DIPK2B: variants seen among roughly 807,000 people sequenced by gnomAD.
DIPK2B encodes UPF0672 protein CXorf36.
Under a neutral mutation model 22.2 loss-of-function variants are expected in DIPK2B, and 15 were observed. The ratio of observed to expected loss-of-function variants is 0.68; its 90% CI spans 0.45 to 1.04. The LOEUF is 1.04. Among genes scored for constraint, DIPK2B ranks in the 50% least tolerant of loss-of-function variants. The pLI is 0.00. For missense variants in DIPK2B, 345 were observed against 348.3 expected, an observed-to-expected ratio of 0.99 and a Z score of 0.08; for synonymous variants, 163 against 153.2, an observed-to-expected ratio of 1.06 and a Z score of -0.47.
rs774466538 is a variant in DIPK2B at position 45,185,684 on chromosome X, G to T, written c.498+6067C>A. On this transcript the variant is annotated intron_variant, in intron 2 of 4. Transcript: ENST00000398000. ...TTTTTTTTTTTTGAGATGGAGTCTC[G>T]CTCTGTTGCCCAGGCTGGAGTGCAG... Among the ~76,000 whole-genome samples the T allele has an allele frequency of 2.9e-4, 26 of 89,677 alleles. 1 individual carries two copies. The South Asian group carries it at 4.4e-3, about 15-fold the overall frequency. The allele number at this position is 89,677 out of a possible 115,157, so 77.9% of individuals were successfully genotyped here. A position where few individuals can be genotyped will look rare whatever the true frequency, so the allele number is the denominator to read the frequency against.
intron 2 of DIPK2B, among the ~76,000 whole-genome samples, chrX:45,158,222 G>A (rs1341090712): frequency 9.1e-6 from 1 of 110,218 alleles, no homozygotes; most frequent in Non-Finnish European, 1.9e-5. Context: ...AACAGAGAAG[G>A]GAATGAGCTC....
rs1834503902 is a variant in DIPK2B, at chrX:45,150,137, C to T, written c.*1515G>A. On this transcript the variant is annotated 3_prime_UTR_variant, in exon 5 of 5. Transcript: ENST00000398000. ...TGTCAAGTGATCCACCCACCTCAGC[C>T]TCCCAAAGTGCTGGGATTACAGGCG... 1 of 111,994 alleles carries T rather than the reference C, an allele frequency of 8.9e-6. No homozygotes were observed. Among genetic ancestry groups the T allele is most frequent in the Admixed American group, 9.5e-5 (1 of 10,494 alleles). The allele number at this position is 111,994 out of a possible 1,213,427, so 9.2% of individuals were successfully genotyped here.
At chrX:45,167,734 G>A (rs2047056608) in intron 2 of DIPK2B, among the ~76,000 whole-genome samples, 1 of 110,558 alleles carries the variant, frequency 9.0e-6, no homozygotes. Context: ...ACCCAGGCTG[G>A]AGTGCAGTGG....
chrX:45,185,952 G>A (rs1270065141), intron 2 of DIPK2B, among the ~76,000 whole-genome samples: 5 of 111,063 alleles, frequency 4.5e-5, no homozygotes, highest in Non-Finnish European at 7.6e-5. Context: ...GCGCCCGGCC[G>A]ACTGTCTCAT....
intron 2 of DIPK2B, among the ~76,000 whole-genome samples, chrX:45,168,350 G>A (rs2047060497): frequency 8.9e-6 from 1 of 112,318 alleles, no homozygotes; most frequent in Non-Finnish European, 1.9e-5. Flanking sequence ...AGTTTTCCTT[G>A]GATCATCAAA....
chrX:45,198,091 C>A (rs1195841925), intron 1 of DIPK2B, among the ~76,000 whole-genome samples: 1 of 111,681 alleles, frequency 9.0e-6, no homozygotes, highest in Non-Finnish European at 1.9e-5. Flanking sequence ...GAAAGATGTT[C>A]CTGATATACT....
In DIPK2B at chrX:45,151,783, C is replaced by T. The variant is rs201729915; in HGVS notation, c.1171G>A (p.Asp391Asn). 1.7e-6 allele frequency: 2 copies of T among 1,211,970 alleles called. No homozygotes were observed. Among genetic ancestry groups the T allele is most frequent in the Non-Finnish European group, 2.2e-6 (2 of 895,495 alleles). The change falls in exon 5 of 5, where the codon GAC (aspartate) becomes AAC (asparagine). Residue 391 changes from aspartate to asparagine, a missense_variant. Coordinates refer to ENST00000398000, the MANE Select transcript of DIPK2B (RefSeq NM_176819.4). Reference sequence around the variant, plus strand: ...ACTTCTGGGTCTGGGCGGATGCTGTCCCCACACTGAACAAGGATGGAGTCT... The same window carrying T: ...ACTTCTGGGTCTGGGCGGATGCTGTTCCCACACTGAACAAGGATGGAGTCT... Reference protein sequence around the residue: ...DIDSILVQCGDSIRPDPEVLG... With the variant: ...DIDSILVQCGNSIRPDPEVLG...
chrX:45,172,569 T>C (rs2047089179), intron 2 of DIPK2B, among the ~76,000 whole-genome samples: 1 of 111,443 alleles, frequency 9.0e-6, no homozygotes, highest in Non-Finnish European at 1.9e-5. Context: ...CCTCCCACTT[T>C]GTCCACCATC....
intron 2 of DIPK2B, among the ~76,000 whole-genome samples, chrX:45,188,673 ACTAT>A (rs2047195904): frequency 8.9e-6 from 1 of 112,325 alleles, no homozygotes; most frequent in Admixed American, 9.4e-5. Flanking sequence ...AACCATCACC[ACTAT>A]CTAATTCCAG....
At chrX:45,184,185 G>A (rs1351996036) in intron 2 of DIPK2B, among the ~76,000 whole-genome samples, 1 of 111,302 alleles carries the variant, frequency 9.0e-6, no homozygotes, top group Non-Finnish European at 1.9e-5. Flanking sequence ...TAGGAGCTGC[G>A]TGTATGGGAG....
intron 2 of DIPK2B, among the ~76,000 whole-genome samples, chrX:45,189,157 T>G (rs1256732252): frequency 8.9e-6 from 1 of 112,526 alleles, no homozygotes; most frequent in African/African-American, 3.2e-5. Context: ...CCTCCCAAAG[T>G]GCTTGGATTA....
intron 2 of DIPK2B, among the ~76,000 whole-genome samples, chrX:45,166,713 C>T (rs1307068419): frequency 9.0e-6 from 1 of 111,641 alleles, no homozygotes. Context: ...CGAATATTTG[C>T]TCAGATGGAA....
intron 2 of DIPK2B, among the ~76,000 whole-genome samples, chrX:45,187,468 G>GCGCGCA (rs1556403888): frequency 1.6e-3 from 154 of 98,478 alleles, no homozygotes; most frequent in Non-Finnish European, 2.7e-3. Flanking sequence ...GCGCGCGCGC[G>GCGCGCA]CACACACACA....
At chrX:45,182,487 G>A (rs1260662094) in intron 2 of DIPK2B, among the ~76,000 whole-genome samples, 6 of 112,632 alleles carry the variant, frequency 5.3e-5, no homozygotes. Context: ...AAACTACTTA[G>A]CAGAATCAAC....
chrX:45,185,755 C>T (rs2148347696), intron 2 of DIPK2B, among the ~76,000 whole-genome samples: 1 of 107,649 alleles, frequency 9.3e-6, no homozygotes, highest in South Asian at 4.2e-4. Context: ...TGGGTTCACA[C>T]CATTCTCCTG....
At chrX:45,196,402 T>C (rs1002592118) in intron 1 of DIPK2B, among the ~76,000 whole-genome samples, 5 of 111,292 alleles carry the variant, frequency 4.5e-5, no homozygotes, top group African/African-American at 1.3e-4. Flanking sequence ...CCTGAGTTGA[T>C]GTGAAGAAGT....
At chrX:45,154,268 T>G in intron 3 of DIPK2B, 70 bp from the exon 4 acceptor site, 78 of 911,161 alleles carry the variant, frequency 8.6e-5, no homozygotes, top group Middle Eastern at 4.2e-4. Flanking sequence ...CTATTATCTC[T>G]ATCTATCTCC....
intron 1 of DIPK2B, among the ~76,000 whole-genome samples, chrX:45,198,345 G>A (rs1369934393): frequency 4.5e-5 from 5 of 111,436 alleles, no homozygotes; most frequent in Non-Finnish European, 9.4e-5. Context: ...ATATTGTAGA[G>A]AAAAGGACTC....
At chrX:45,182,355 C>T (rs937635539) in intron 2 of DIPK2B, among the ~76,000 whole-genome samples, 39 of 111,655 alleles carry the variant, frequency 3.5e-4, no homozygotes, top group African/African-American at 1.2e-3. Flanking sequence ...TGATATACTG[C>T]CAAACTCCCA....
Sources: gnomAD v4.1 joint callset for allele counts (sites outside exome capture counted in the v4.1 genomes callset) on GRCh38, gnomAD v4.1.1 for gene constraint, MANE v1.5 for transcripts, NCBI Gene and HGNC (gene_info 2026-07-23, HGNC 2026-07-21) for gene names.